The following CLEC2A variants were observed in gnomAD, a reference collection of about 807,000 sequenced individuals.
The protein encoded by CLEC2A is keratinocyte-associated C-type lectin.
In CLEC2A, 19 loss-of-function variants were observed where a neutral mutation model predicts 18.6. The observed-to-expected ratio is 1.02, with a 90% CI of 0.71 to 1.50. The LOEUF (loss-of-function observed/expected upper bound fraction) is 1.50, where lower values mean the gene tolerates loss of function less well. Ranked by LOEUF, CLEC2A falls within the 40% of genes most tolerant of loss-of-function variation. CLEC2A has a pLI of 0.00. For missense variants in CLEC2A, 190 were observed against 207.9 expected, an observed-to-expected ratio of 0.91 and a Z score of 0.53; for synonymous variants, 74 against 64.0, an observed-to-expected ratio of 1.16 and a Z score of -0.75.
chr12:9,887,068 C>T, the CLEC2A span, among the ~76,000 whole-genome samples: 1 of 151,578 alleles, frequency 6.6e-6, no homozygotes, highest in Non-Finnish European at 1.5e-5. Context: ...TCAAAAAATG[C>T]CTATTTATCC....
chr12:9,884,275 A>T, the CLEC2A span, among the ~76,000 whole-genome samples: 1 of 152,174 alleles, frequency 6.6e-6, no homozygotes, highest in Admixed American at 6.5e-5. Context: ...ATGAAATACT[A>T]TAGCATAGAT....
chr12:9,898,760 C>A, exon 5 of CLEC2A: 1 of 534,108 alleles, frequency 1.9e-6, no homozygotes, highest in Non-Finnish European at 3.4e-6. Context: ...GGATGAATTG[C>A]TCTGAATTGA....
At chr12:9,897,246 C>A (rs573605493), downstream of CLEC2A, among the ~76,000 whole-genome samples, 4 of 152,074 alleles carry the variant, frequency 2.6e-5, no homozygotes. Flanking sequence ...ATTCACCTTG[C>A]GTAAATGAAA....
downstream of CLEC2A, among the ~76,000 whole-genome samples, chr12:9,912,081 A>T (rs944885640): frequency 2.7e-5 from 4 of 150,902 alleles, no homozygotes; most frequent in African/African-American, 4.9e-5. Flanking sequence ...ATGTCCTCTA[A>T]AAGGAAAAAA....
In CLEC2A at chr12:9,926,349, A is replaced by C. The variant is rs1863272749; in HGVS notation, c.56-6T>G. Reference sequence around the variant, plus strand: ...GTTTTGTATCAACTTGGGAACTGCAAATTAAATCAACACATATTTTACAAT... The same window carrying C: ...GTTTTGTATCAACTTGGGAACTGCACATTAAATCAACACATATTTTACAAT... On this transcript the variant is annotated splice_region_variant and splice_polypyrimidine_tract_variant and intron_variant, in intron 1 of 4. Transcript: ENST00000455827. 3 of 1,272,516 alleles carry C rather than the reference A, an allele frequency of 2.4e-6. No individual in the cohort carries two copies. Among genetic ancestry groups the C allele is most frequent in the Non-Finnish European group, 3.3e-6 (3 of 918,914 alleles). The allele number at this position is 1,272,516 out of a possible 1,614,324, so 78.8% of individuals were successfully genotyped here.
At chr12:9,888,445 G>T in the CLEC2A span, among the ~76,000 whole-genome samples, 2 of 151,790 alleles carry the variant, frequency 1.3e-5, no homozygotes, top group African/African-American at 2.4e-5. Flanking sequence ...AGCCGAGATT[G>T]CGCCACTGCA....
the CLEC2A span, chr12:9,893,517 A>G: frequency 6.7e-7 from 1 of 1,498,186 alleles, no homozygotes; most frequent in Non-Finnish European, 9.0e-7. Context: ...ATGTGGATAG[A>G]TGAACACTTT....
At chr12:9,926,461 A>G (rs911744508) in intron 1 of CLEC2A, 118 bp from the exon 2 acceptor site, 4 of 656,150 alleles carry the variant, frequency 6.1e-6, no homozygotes, top group African/African-American at 3.7e-5. Flanking sequence ...AAGTACATAC[A>G]TCTCAAAATA....
intron 4 of CLEC2A, among the ~76,000 whole-genome samples, chr12:9,906,004 T>C (rs1450383354): frequency 6.7e-6 from 1 of 148,434 alleles, no homozygotes; most frequent in Non-Finnish European, 1.5e-5. Flanking sequence ...GTGATTTTCT[T>C]GGAGCCCACT....
chr12:9,891,874 T>G, the CLEC2A span, among the ~76,000 whole-genome samples: 2 of 152,184 alleles, frequency 1.3e-5, no homozygotes, highest in Non-Finnish European at 2.9e-5. Context: ...AAATAAAATT[T>G]TAGGGTCATA....
chr12:9,901,210 T>C (rs922211883), intron 4 of CLEC2A, among the ~76,000 whole-genome samples: 2 of 152,252 alleles, frequency 1.3e-5, no homozygotes, highest in African/African-American at 4.8e-5. Context: ...TCATGACCCC[T>C]GTACAGTTTT....
chr12:9,901,179 A>G (rs1350636131), intron 4 of CLEC2A, among the ~76,000 whole-genome samples: 1 of 152,202 alleles, frequency 6.6e-6, no homozygotes, highest in Non-Finnish European at 1.5e-5. Context: ...TTTGCTTGAC[A>G]TTCGTGAACA....
In CLEC2A at chr12:9,920,244, A is replaced by T. The variant is rs534250586; in HGVS notation, c.306+1822T>A. Among the ~76,000 whole-genome samples the T allele has an allele frequency of 3.3e-5, 5 of 152,308 alleles. No homozygotes were observed. The South Asian group carries it at 1.0e-3, about 32-fold the overall frequency. ...TTACTAGGGATGTGTAAGGGGGTCT[A>T]ACCTCCCTCTTCGCTGGAGTTTCAA... On this transcript the variant is annotated intron_variant, in intron 3 of 4. Coordinates refer to ENST00000455827, the MANE Select transcript of CLEC2A (RefSeq NM_001130711.2).
At chr12:9,877,957 T>C in the CLEC2A span, among the ~76,000 whole-genome samples, 1 of 152,156 alleles carries the variant, frequency 6.6e-6, no homozygotes, top group Non-Finnish European at 1.5e-5. Flanking sequence ...TCCAAAGTTG[T>C]CTAAACACAA....
the CLEC2A span, chr12:9,885,096 C>T: frequency 1.9e-6 from 1 of 518,012 alleles, no homozygotes; most frequent in Non-Finnish European, 3.0e-6. Flanking sequence ...CTTCATTCCT[C>T]TTAATGCCAA....
the CLEC2A span, among the ~76,000 whole-genome samples, chr12:9,885,369 C>T: frequency 2.0e-5 from 3 of 151,314 alleles, no homozygotes; most frequent in African/African-American, 7.3e-5. Flanking sequence ...ATCTGAAAAC[C>T]ATTTTAGGTA....
chr12:9,881,924 A>C, the CLEC2A span, among the ~76,000 whole-genome samples: 1 of 152,150 alleles, frequency 6.6e-6, no homozygotes, highest in Non-Finnish European at 1.5e-5. Context: ...ATCACTTTCG[A>C]AGAAAAGGCT....
the CLEC2A span, among the ~76,000 whole-genome samples, chr12:9,883,217 A>T: frequency 6.6e-6 from 1 of 152,204 alleles, no homozygotes; most frequent in Non-Finnish European, 1.5e-5. Flanking sequence ...ATTCCTTAAG[A>T]TTGATATAAT....
exon 5 of CLEC2A, chr12:9,898,718 C>A: frequency 2.0e-6 from 1 of 498,258 alleles, no homozygotes; most frequent in Non-Finnish European, 3.6e-6. Context: ...AATTTATAGC[C>A]TATTAACTGT....
Sources: gnomAD v4.1 joint callset for allele counts (sites outside exome capture counted in the v4.1 genomes callset) on GRCh38, gnomAD v4.1.1 for gene constraint, MANE v1.5 for transcripts, NCBI Gene and HGNC (gene_info 2026-07-23, HGNC 2026-07-21) for gene names.